CLCN1: variants seen among roughly 807,000 people sequenced by gnomAD.
CLCN1 encodes chloride voltage-gated channel 1, also known as chloride channel protein 1.
In CLCN1, 100 loss-of-function variants were observed where a neutral mutation model predicts 114.5. That is an observed-to-expected ratio of 0.87 (90% CI 0.74 to 1.03). The LOEUF (loss-of-function observed/expected upper bound fraction) is 1.03, where lower values mean the gene tolerates loss of function less well. Ranked by LOEUF, CLCN1 falls within the 50% of genes least tolerant of loss-of-function variation. The pLI is 0.00. For missense variants in CLCN1, 1,188 were observed against 1,250.0 expected (o/e 0.95, Z 0.75); for synonymous variants, 485 against 487.1 (o/e 1.00, Z 0.06).
chr7:143,346,274 C>G (rs779880300), intron 18 of CLCN1, 23 bp downstream of exon 18: 1 of 1,478,230 alleles, frequency 6.8e-7, no homozygotes, highest in Non-Finnish European at 9.5e-7. Context: ...CCTCATGCAC[C>G]CCAACTCACC....
In CLCN1 at chr7:143,324,411, T is replaced by A; in HGVS notation, c.775-3T>A. 6.2e-7 allele frequency: 1 copy of A among 1,612,642 alleles called. No homozygotes were observed. The highest frequency in any genetic ancestry group is 8.5e-7 in the Non-Finnish European group (1 of 1,178,890). ...GTTTCTCTGTCTGTCTCTCCCCTAG[T>A]AGCAGCCATACTACTACTCTGATAT... On this transcript the variant is annotated splice_polypyrimidine_tract_variant and splice_region_variant and intron_variant, in intron 6 of 22. Transcript: ENST00000343257. The surrounding 1 kb of genome is among the most constrained non-coding windows in gnomAD (Gnocchi z 4.6).
At chr7:143,338,809 GA>G (rs1409666664) in intron 12 of CLCN1, among the ~76,000 whole-genome samples, 146 of 132,482 alleles carry the variant, frequency 1.1e-3, no homozygotes, top group Admixed American at 1.7e-3. Flanking sequence ...AAAAAAAAAA[GA>G]AAAAAAAAAA....
At position 143,316,294 on chromosome 7, in the gene CLCN1, G is replaced by C; in HGVS notation, c.82G>C (p.Glu28Gln). 1 of 1,613,864 alleles carries C rather than the reference G, an allele frequency of 6.2e-7. No homozygotes were observed. The highest frequency in any genetic ancestry group is 1.1e-5 in the South Asian group (1 of 91,086). The stretch of plus-strand genomic sequence containing the variant: ...CCCCCAGTACCAGTATATGCCCTTT[G>C]AACACTGCACCAGCTACGGACTGCC... ...SDPQYQYMPF[E>Q]HCTSYGLPSE... The change falls in exon 1 of 23, where the codon GAA becomes CAA. Residue 28 changes from glutamate (E) to glutamine (Q), a missense_variant. Coordinates refer to ENST00000343257, the MANE Select transcript of CLCN1 (RefSeq NM_000083.3).
chr7:143,346,999 A>G (rs756744651), intron 20 of CLCN1, 50 bp downstream of exon 20: 5 of 1,464,400 alleles, frequency 3.4e-6, no homozygotes, highest in Non-Finnish European at 4.8e-6. Flanking sequence ...TCAAATGAAG[A>G]TATTGCTAAT....
Position 143,342,243 on chromosome 7 carries a change from A to C in CLCN1, c.1796+101A>C. 4.0e-6 allele frequency: 6 copies of C among 1,483,192 alleles called. No homozygotes were observed. The South Asian group carries it at 6.9e-5, about 17-fold the overall frequency. The allele number at this position is 1,483,192 out of a possible 1,614,324, so 91.9% of individuals were successfully genotyped here. On this transcript the variant is annotated intron_variant, in intron 15 of 22. Coordinates refer to ENST00000343257, the MANE Select transcript of CLCN1 (RefSeq NM_000083.3). ...AGTTAAAGTTTGGAAACACTGTTTT[A>C]AATTATTATTATATTCTCATGCACC...
chr7:143,322,846 C>T (rs1802478151), intron 5 of CLCN1, among the ~76,000 whole-genome samples: 1 of 152,230 alleles, frequency 6.6e-6, no homozygotes, highest in Admixed American at 6.5e-5. Context: ...GCGTGGCCTT[C>T]GAGACCGTGG....
Position 143,334,213 on chromosome 7 carries a change from G to GAA in CLCN1, c.1401+1352_1401+1353dup, listed in dbSNP as rs113218469. ...GGGCGACAAGGGCAACACTCCTCAA[G>GAA]AAAAAAAAAAAAATTATTGATTGCC... is the stretch of plus-strand genomic sequence containing the variant. On this transcript the variant is annotated intron_variant, in intron 12 of 22. Coordinates refer to ENST00000343257, the MANE Select transcript of CLCN1 (RefSeq NM_000083.3). Among the ~76,000 whole-genome samples, 1,109 of 146,088 alleles carry GAA rather than the reference G, an allele frequency of 7.6e-3. 20 individuals carry two copies. The highest frequency in any genetic ancestry group is 0.025 in the African/African-American group (986 of 40,000).
At chr7:143,331,045 A>G in intron 8 of CLCN1, 148 bp downstream of exon 8, 1 of 1,270,030 alleles carries the variant, frequency 7.9e-7, no homozygotes, top group Non-Finnish European at 1.1e-6. Flanking sequence ...TGTATGACAA[A>G]GATATAGGTC....
chr7:143,345,698 G>T lies in CLCN1; in HGVS notation c.2108G>T (p.Gly703Val). The T allele has an allele frequency of 2.6e-6, 4 of 1,560,092 alleles. No homozygotes were observed. The highest frequency in any genetic ancestry group is 3.5e-6 in the Non-Finnish European group (4 of 1,153,606). The change falls in exon 17 of 23, where the codon GGC (glycine) becomes GTC (valine). Residue 703 changes from glycine to valine, a missense_variant. Gly to Val is a moderately radical substitution (Grantham distance 109). Transcript: ENST00000343257. Reference protein sequence around the residue: ...AGEGLPGAPPGRPESFAFVDE... With the variant: ...AGEGLPGAPPVRPESFAFVDE... ...GAGGGGCTCCCCGGCGCGCCTCCAGGCCGGCCCGAGTCCTTCGCCTTTGTG... is the reference window on the plus strand; with the variant it reads ...GAGGGGCTCCCCGGCGCGCCTCCAGTCCGGCCCGAGTCCTTCGCCTTTGTG...
rs150796358 is a variant in CLCN1 at position 143,351,862 on chromosome 7, A to G, written c.2864A>G (p.Glu955Gly). 7 of 1,613,790 alleles carry G rather than the reference A, an allele frequency of 4.3e-6. No homozygotes were observed. The South Asian group carries it at 6.6e-5, about 15-fold the overall frequency. The change falls in exon 23 of 23, where the codon GAG becomes GGG. Residue 955 changes from glutamate (E) to glycine (G), a missense_variant. Physicochemically the swap from Glu to Gly is moderately conservative, Grantham distance 98 (BLOSUM62 -2). Coordinates refer to ENST00000343257, the MANE Select transcript of CLCN1 (RefSeq NM_000083.3). ...GTAGAGGGCGAGTTGGAGGAGCTGG[A>G]GCTGGTGGAGAGTCCAGGGCTGGAA... The part of the protein sequence containing the change: ...GKVEGELEEL[E>G]LVESPGLEEE...
At chr7:143,323,272 G>T (rs377014384) in intron 5 of CLCN1, 37 bp from the exon 6 acceptor site, 2 of 1,103,480 alleles carry the variant, frequency 1.8e-6, no homozygotes, top group Non-Finnish European at 2.8e-6. Context: ...CCTCCATCTG[G>T]CCTCTGACCC....
rs1802451843 is a variant in CLCN1, at chr7:143,321,947, G to A, written c.696+99G>A. 3 of 1,402,090 alleles carry A rather than the reference G, an allele frequency of 2.1e-6. No individual in the cohort carries two copies. In the East Asian group the frequency reaches 7.3e-5, roughly 34 times the overall value. 86.9% of individuals were successfully genotyped at this position (1,402,090 alleles called of 1,614,324 possible). On this transcript the variant is annotated intron_variant, in intron 5 of 22. Coordinates refer to ENST00000343257, the MANE Select transcript of CLCN1 (RefSeq NM_000083.3). The surrounding 1 kb of genome is among the most constrained non-coding windows in gnomAD (Gnocchi z 4.2). ...GCTCTGGGAGTGGAAGTGGATCAGG[G>A]GACAGGACCAAGGCCAGGGCCAGGG...
chr7:143,319,172 G>A (rs1586482283), intron 1 of CLCN1, among the ~76,000 whole-genome samples: 1 of 152,328 alleles, frequency 6.6e-6, no homozygotes, highest in East Asian at 1.9e-4. Context: ...AGATGGACCT[G>A]CCTTTTCGGG....
chr7:143,346,219 A>G lies in CLCN1; in HGVS notation c.2252A>G (p.His751Arg). Residue 751 changes from histidine to arginine, a missense_variant, in exon 18 of 23, where the codon CAC (histidine) becomes CGC (arginine). Physicochemically the swap from His to Arg is conservative, Grantham distance 29. Transcript: ENST00000343257. ...GAGCCCAATGGGCCTCTGCCTGGCCACAAACAGCAGCCGGAAGCACCAGAG... is the reference window on the plus strand; with the variant it reads ...GAGCCCAATGGGCCTCTGCCTGGCCGCAAACAGCAGCCGGAAGCACCAGAG... Reference protein sequence around the residue: ...PEEPNGPLPGHKQQPEAPEPA... With the variant: ...PEEPNGPLPGRKQQPEAPEPA... The G allele has an allele frequency of 6.2e-7, 1 of 1,613,434 alleles. No individual in the cohort carries two copies. The highest frequency in any genetic ancestry group is 1.1e-5 in the South Asian group (1 of 91,048).
rs1229679249 is a variant in CLCN1 at position 143,350,589 on chromosome 7, C to G, written c.2530C>G (p.Leu844Val). 6.2e-7 allele frequency: 1 copy of G among 1,614,188 alleles called. No homozygotes were observed. Among genetic ancestry groups the G allele is most frequent in the Non-Finnish European group, 8.5e-7 (1 of 1,180,026 alleles). The change falls in exon 22 of 23, where the codon CTT (leucine) becomes GTT (valine). Residue 844 changes from leucine (L) to valine (V), a missense_variant. Coordinates refer to ENST00000343257, the MANE Select transcript of CLCN1 (RefSeq NM_000083.3). The surrounding 1 kb of genome is among the most constrained non-coding windows in gnomAD (Gnocchi z 5.1). ...LHKTHTLFSL[L>V]GLHLAYVTSM... ...TCAGACTCATACCCTGTTTTCACTC[C>G]TTGGCCTCCACCTCGCTTACGTGAC...
In CLCN1 at chr7:143,321,200, C is replaced by A. The variant is rs979707480; in HGVS notation, c.434-165C>A. ...AGCCACCAACTGGAACAGGCCATGT[C>A]GCCTCCATAACTCAGGCTTCCCATG... is the stretch of plus-strand genomic sequence containing the variant. On this transcript the variant is annotated intron_variant, in intron 3 of 22. Transcript: ENST00000343257. The surrounding 1 kb of genome is among the most constrained non-coding windows in gnomAD (Gnocchi z 4.2). Among the ~76,000 whole-genome samples the A allele has an allele frequency of 6.6e-6, 1 of 152,182 alleles. No homozygotes were observed. The highest frequency in any genetic ancestry group is 1.5e-5 in the Non-Finnish European group (1 of 68,034).
In CLCN1 at chr7:143,321,862, G is replaced by T; in HGVS notation, c.696+14G>T. On this transcript the variant is annotated intron_variant, in intron 5 of 22. Transcript: ENST00000343257. The surrounding 1 kb of genome is among the most constrained non-coding windows in gnomAD (Gnocchi z 4.2). ...GTGGGGAAAGAGGTAGGCCTGGCAT[G>T]ACTGAAGCCAGAGCTGGGAGGGGCC... 6.2e-7 allele frequency: 1 copy of T among 1,613,514 alleles called. No homozygotes were observed. The highest frequency in any genetic ancestry group is 8.5e-7 in the Non-Finnish European group (1 of 1,179,694).
chr7:143,334,885 T>C (rs1802831183), intron 12 of CLCN1, among the ~76,000 whole-genome samples: 1 of 152,242 alleles, frequency 6.6e-6, no homozygotes, highest in Non-Finnish European at 1.5e-5. Flanking sequence ...AGGGATTTGA[T>C]TTTTAGACTT....
chr7:143,323,516 C>T (rs565493293), intron 6 of CLCN1, 130 bp downstream of exon 6: 793 of 752,820 alleles, frequency 1.1e-3, no homozygotes, highest in Non-Finnish European at 1.6e-3. Flanking sequence ...CACTAATCCA[C>T]GCTCCCTTCC....
Sources: gnomAD v4.1 joint callset for allele counts (sites outside exome capture counted in the v4.1 genomes callset) on GRCh38, gnomAD v4.1.1 for gene constraint, Gnocchi (gnomAD v3.1) non-coding constraint, MANE v1.5 for transcripts, NCBI Gene and HGNC (gene_info 2026-07-23, HGNC 2026-07-21) for gene names.